CLEC16A: variants seen among roughly 807,000 people sequenced by gnomAD.
CLEC16A encodes C-type lectin domain containing 16A.
CLEC16A carries 51 observed loss-of-function variants against 109.5 expected under a neutral mutation model. That is an observed-to-expected ratio of 0.47 (90% CI 0.37 to 0.59). CLEC16A has a LOEUF of 0.59. CLEC16A is among the 20% of genes least tolerant of loss of function. The pLI, the probability that CLEC16A is intolerant of heterozygous loss-of-function variation, is 0.00. For missense variants in CLEC16A, 1,339 were observed against 1,394.0 expected (o/e 0.96, Z 0.63); for synonymous variants, 673 against 564.2 (o/e 1.19, Z -2.73).
intron 1 of CLEC16A, among the ~76,000 whole-genome samples, chr16:10,955,808 C>T (rs985725047): frequency 6.6e-6 from 1 of 152,174 alleles, no homozygotes; most frequent in African/African-American, 2.4e-5. Context: ...GTGTCAGGCA[C>T]ATGGGGGCCT....
intron 18 of CLEC16A, among the ~76,000 whole-genome samples, chr16:11,060,037 C>T (rs952738311): frequency 1.3e-5 from 2 of 152,204 alleles, no homozygotes; most frequent in South Asian, 2.1e-4. Flanking sequence ...GCAAGCCTGT[C>T]CTGGGGCTGG....
At chr16:10,969,936 CA>C (rs1714895830) in intron 4 of CLEC16A, among the ~76,000 whole-genome samples, 1 of 152,212 alleles carries the variant, frequency 6.6e-6, no homozygotes, top group African/African-American at 2.4e-5. Flanking sequence ...CCAGTATGTA[CA>C]TAGCTCCCTA....
intron 19 of CLEC16A, among the ~76,000 whole-genome samples, chr16:11,102,789 T>A (rs1000590958): frequency 1.3e-5 from 2 of 152,244 alleles, no homozygotes; most frequent in African/African-American, 4.8e-5. Flanking sequence ...GAGCTGCTGT[T>A]ACTCCTAAGT....
intron 11 of CLEC16A, among the ~76,000 whole-genome samples, chr16:11,004,916 A>G (rs77560808): frequency 8.1e-4 from 123 of 152,298 alleles, no homozygotes; most frequent in African/African-American, 2.8e-3. Flanking sequence ...GGCCAAACCC[A>G]AGGTAAGCCA....
Position 10,957,809 on chromosome 16 carries a change from C to T in CLEC16A, c.108C>T (p.Asn36=), listed in dbSNP as rs749573666. ...ATCTGTACCACGTTTTGACCAAAAA[C>T]ACCACAGTCACAGAACAGAACCGGA... ...LKYLYHVLTK[N]TTVTEQNRNL... Residue 36 remains asparagine (N), a synonymous_variant, in exon 2 of 24, where the codon AAC becomes AAT. Coordinates refer to ENST00000409790, the MANE Select transcript of CLEC16A (RefSeq NM_015226.3). 1 of 1,613,794 alleles carries T rather than the reference C, an allele frequency of 6.2e-7. No individual in the cohort carries two copies. The highest frequency in any genetic ancestry group is 8.5e-7 in the Non-Finnish European group (1 of 1,179,712).
rs556916070 is a variant in CLEC16A at position 11,067,315 on chromosome 16, C to T, written c.2116+6293C>T. ...CAATCACAGCAGCACAGATCAAACT[C>T]AGATGACCACCGTGTTTCCTGTTCT... On this transcript the variant is annotated intron_variant, in intron 19 of 23. Coordinates refer to ENST00000409790, the MANE Select transcript of CLEC16A (RefSeq NM_015226.3). Among the ~76,000 whole-genome samples, 254 of 150,928 alleles carry T rather than the reference C, an allele frequency of 1.7e-3. 2 individuals are homozygous for T. The highest frequency in any genetic ancestry group is 6.0e-3 in the African/African-American group (245 of 41,060).
At chr16:11,155,132 A>C (rs1356839659) in intron 22 of CLEC16A, among the ~76,000 whole-genome samples, 1 of 152,170 alleles carries the variant, frequency 6.6e-6, no homozygotes, top group African/African-American at 2.4e-5. Flanking sequence ...TCTCCAAAAA[A>C]AGAGAAGAAA....
chr16:11,095,215 C>T (rs2050537099), intron 19 of CLEC16A, among the ~76,000 whole-genome samples: 1 of 151,840 alleles, frequency 6.6e-6, no homozygotes, highest in Non-Finnish European at 1.5e-5. Context: ...GGAAAGCCTG[C>T]CTTTTCTAGG....
intron 23 of CLEC16A, among the ~76,000 whole-genome samples, chr16:11,169,531 CCCA>C (rs1239598722): frequency 6.6e-6 from 1 of 152,204 alleles, no homozygotes; most frequent in Non-Finnish European, 1.5e-5. Context: ...AAGTGATCCA[CCCA>C]CCTCAGCCTC....
chr16:11,109,351 G>T (rs900132265), intron 19 of CLEC16A, among the ~76,000 whole-genome samples: 1 of 152,056 alleles, frequency 6.6e-6, no homozygotes, highest in South Asian at 2.1e-4. Context: ...ACGAGGTCTT[G>T]CTATGTTGCC....
chr16:11,111,370 A>G (rs753390134), intron 19 of CLEC16A, among the ~76,000 whole-genome samples: 10 of 152,168 alleles, frequency 6.6e-5, no homozygotes, highest in Non-Finnish European at 1.5e-4. Context: ...GGGTGTCTCC[A>G]TGGCTACTTG....
At chr16:11,176,945 A>G (rs2068772649) in intron 23 of CLEC16A, among the ~76,000 whole-genome samples, 1 of 151,862 alleles carries the variant, frequency 6.6e-6, no homozygotes. Context: ...ATTTTGCTTT[A>G]TGTTCCATTT....
intron 10 of CLEC16A, among the ~76,000 whole-genome samples, chr16:10,987,083 T>G (rs1188263176): frequency 6.6e-6 from 1 of 152,142 alleles, no homozygotes; most frequent in Admixed American, 6.5e-5. Context: ...CTTGAACTTC[T>G]GGCCTCAAGT....
At chr16:10,972,913 T>C in intron 6 of CLEC16A, 25 bp from the exon 7 acceptor site, 1 of 1,569,378 alleles carries the variant, frequency 6.4e-7, no homozygotes, top group Non-Finnish European at 8.6e-7. Context: ...GCTTGACTTT[T>C]TTTTTCTTCT....
intron 23 of CLEC16A, among the ~76,000 whole-genome samples, chr16:11,177,430 A>G (rs545936430): frequency 6.2e-4 from 95 of 152,180 alleles, no homozygotes; most frequent in Non-Finnish European, 1.0e-3. Flanking sequence ...GTGAAACCTC[A>G]TCTCTACAAA....
At chr16:11,112,029 G>A (rs2051624221) in intron 19 of CLEC16A, among the ~76,000 whole-genome samples, 1 of 152,228 alleles carries the variant, frequency 6.6e-6, no homozygotes, top group African/African-American at 2.4e-5. Context: ...CTGTTAAATG[G>A]TGTAGAGTTC....
chr16:10,984,339 A>G (rs2043499027), intron 10 of CLEC16A, among the ~76,000 whole-genome samples: 3 of 152,176 alleles, frequency 2.0e-5, no homozygotes, highest in Admixed American at 2.0e-4. Flanking sequence ...TGGTGGCATT[A>G]GTGAATTGAT....
intron 22 of CLEC16A, among the ~76,000 whole-genome samples, chr16:11,142,737 T>C (rs911576738): frequency 6.6e-6 from 1 of 152,252 alleles, no homozygotes. Context: ...TAGCTTATTG[T>C]CTTCATGGAT....
intron 13 of CLEC16A, among the ~76,000 whole-genome samples, chr16:11,029,399 C>G (rs1309600739): frequency 6.6e-6 from 1 of 152,216 alleles, no homozygotes; most frequent in South Asian, 2.1e-4. Flanking sequence ...AGCTCTCTCT[C>G]TGCAGCTCTC....
Sources: gnomAD v4.1 joint callset for allele counts (sites outside exome capture counted in the v4.1 genomes callset) on GRCh38, gnomAD v4.1.1 for gene constraint, MANE v1.5 for transcripts, NCBI Gene and HGNC (gene_info 2026-07-23, HGNC 2026-07-21) for gene names.